Variants in LARP1 observed in about 807,000 individuals in gnomAD.
LARP1 encodes la-related protein 1.
Under a neutral mutation model 122.7 loss-of-function variants are expected in LARP1, and 36 were observed. That is an observed-to-expected ratio of 0.29 (90% confidence interval 0.22 to 0.39). LARP1 has a LOEUF of 0.39. Ranked by LOEUF, LARP1 falls within the 10% of genes least tolerant of loss-of-function variation. LARP1 has a pLI of 1.00. For missense variants in LARP1, 1,040 were observed against 1,403.6 expected (o/e 0.74, Z 4.14); for synonymous variants, 539 against 528.7 (o/e 1.02, Z -0.27).
chr5:154,744,616 A>ATTGTTTTTTTTTTT (rs1753080740), intron 1 of LARP1, among the ~76,000 whole-genome samples: 1 of 71,966 alleles, frequency 1.4e-5, no homozygotes, highest in African/African-American at 5.6e-5. Context: ...TGGATATGCA[A>ATTGTTTTTTTTTTT]TTTTTTTTTT....
intron 1 of LARP1, chr5:154,786,538 C>T (rs1756902886): frequency 4.4e-6 from 2 of 455,010 alleles, no homozygotes; most frequent in East Asian, 1.4e-4. Context: ...ACTCTGTCTG[C>T]CATCCACCCT....
intron 1 of LARP1, among the ~76,000 whole-genome samples, chr5:154,698,971 C>T (rs193148884): frequency 2.6e-5 from 4 of 152,226 alleles, no homozygotes; most frequent in East Asian, 1.9e-4. Flanking sequence ...AGTGCCACTC[C>T]GGAAGAAGAG....
At chr5:154,719,914 G>A (rs542869408) in intron 1 of LARP1, among the ~76,000 whole-genome samples, 9 of 150,676 alleles carry the variant, frequency 6.0e-5, no homozygotes, top group Non-Finnish European at 1.0e-4. Context: ...AACACTGGCC[G>A]GGCATGGTGG....
At chr5:154,721,171 C>T (rs1300770703) in intron 1 of LARP1, among the ~76,000 whole-genome samples, 3 of 151,774 alleles carry the variant, frequency 2.0e-5, no homozygotes, top group African/African-American at 7.3e-5. Flanking sequence ...AGTGCAACCT[C>T]GTCTCTAAAA....
chr5:154,764,881 GGCAACAGA>G (rs1271514757), intron 1 of LARP1, among the ~76,000 whole-genome samples: 1 of 150,168 alleles, frequency 6.7e-6, no homozygotes, highest in Non-Finnish European at 1.5e-5. Flanking sequence ...CTCCAGCCTG[GGCAACAGA>G]GCAAGACTCC....
At chr5:154,761,693 C>T (rs184893791) in intron 1 of LARP1, among the ~76,000 whole-genome samples, 1 of 152,074 alleles carries the variant, frequency 6.6e-6, no homozygotes, top group Admixed American at 6.6e-5. Context: ...CCTTACCTTG[C>T]CTGGGATTCA....
Position 154,800,013 on chromosome 5 carries a change from A to C in LARP1, c.1687A>C (p.Arg563=). ...DSENWIEVKK[R]PRPSPARPKK... is the part of the protein sequence containing the mutation. Reference sequence around the variant, plus strand: ...TGAGAACTGGATTGAAGTGAAGAAGAGGCCTCGGCCATCCCCAGCACGGCC... The same window carrying C: ...TGAGAACTGGATTGAAGTGAAGAAGCGGCCTCGGCCATCCCCAGCACGGCC... Residue 563 remains arginine, a synonymous_variant, in exon 10 of 19, where the codon AGG becomes CGG. Transcript: ENST00000518297. 6.2e-7 allele frequency: 1 copy of C among 1,614,012 alleles called. No homozygotes were observed. The highest frequency in any genetic ancestry group is 8.5e-7 in the Non-Finnish European group (1 of 1,180,024).
intron 1 of LARP1, among the ~76,000 whole-genome samples, chr5:154,733,191 T>TA (rs1371760542): frequency 2.0e-5 from 3 of 152,200 alleles, no homozygotes; most frequent in African/African-American, 4.8e-5. Context: ...GGGGTATTGT[T>TA]TGACCAATTT....
At chr5:154,781,638 T>C (rs1416084266) in intron 1 of LARP1, among the ~76,000 whole-genome samples, 2 of 152,064 alleles carry the variant, frequency 1.3e-5, no homozygotes, top group Non-Finnish European at 2.9e-5. Context: ...AGCTACTACA[T>C]GTAAAAAACT....
At chr5:154,771,752 C>G (rs1197233661) in intron 1 of LARP1, among the ~76,000 whole-genome samples, 2 of 152,166 alleles carry the variant, frequency 1.3e-5, no homozygotes, top group African/African-American at 2.4e-5. Flanking sequence ...AGCTCTGGCT[C>G]TTATTCCCCT....
At chr5:154,809,089 A>G (rs1422400385) in intron 16 of LARP1, among the ~76,000 whole-genome samples, 1 of 152,128 alleles carries the variant, frequency 6.6e-6, no homozygotes, top group Non-Finnish European at 1.5e-5. Flanking sequence ...ATGGTCTTAT[A>G]TGGATGTACC....
Position 154,803,314 on chromosome 5 carries a change from G to T in LARP1, c.2134G>T (p.Val712Phe). Reference protein sequence around the residue: ...IKQEVENFKKVNMISREQFDT... With the variant: ...IKQEVENFKKFNMISREQFDT... ...GCAAGAAGTCGAGAACTTCAAAAAG[G>T]TCAATATGATCAGCCGGGAGCAGTT... Residue 712 changes from valine (V) to phenylalanine (F), a missense_variant, in exon 12 of 19, where the codon GTC (valine) becomes TTC (phenylalanine). By Grantham distance (50) the Val-to-Phe change is conservative. This residue lies in a region of LARP1 where 362 missense variants were observed against 533.1 expected (regional missense o/e 0.68). Coordinates refer to ENST00000518297, the MANE Select transcript of LARP1 (RefSeq NM_033551.3). The surrounding 1 kb of genome is among the most constrained non-coding windows in gnomAD (Gnocchi z 4.4). 6.2e-7 allele frequency: 1 copy of T among 1,614,096 alleles called. No individual in the cohort carries two copies. The highest frequency in any genetic ancestry group is 8.5e-7 in the Non-Finnish European group (1 of 1,180,012).
intron 3 of LARP1, chr5:154,791,908 A>T (rs1034392539): frequency 2.2e-6 from 1 of 453,982 alleles, no homozygotes; most frequent in African/African-American, 2.0e-5. Context: ...CCTCACAGTG[A>T]CTCTGAGATA....
chr5:154,717,366 T>G (rs1755575079), intron 1 of LARP1, among the ~76,000 whole-genome samples: 3 of 152,198 alleles, frequency 2.0e-5, no homozygotes. Context: ...CTTACTTACA[T>G]AGCTGGGCCC....
chr5:154,714,409 A>G (rs2113306618), intron 1 of LARP1, among the ~76,000 whole-genome samples: 1 of 152,318 alleles, frequency 6.6e-6, no homozygotes, highest in East Asian at 1.9e-4. Flanking sequence ...AATCATATAA[A>G]CAAAAAGAAA....
upstream of LARP1, among the ~76,000 whole-genome samples, chr5:154,755,069 C>A (rs1005273693): frequency 4.6e-5 from 7 of 152,054 alleles, no homozygotes; most frequent in Non-Finnish European, 4.4e-5. Flanking sequence ...CCCGTCAGCG[C>A]CCCCACCGAC....
At position 154,688,699 on chromosome 5, in the gene LARP1, G is replaced by T. The variant is rs114665096; in HGVS notation, c.-180+5662G>T. ...AAATTAGCTAGGGCTAGTGGCACATGCCTGTAGTCCTAGCTACTTGGAAGG... is the reference window on the plus strand; with the variant it reads ...AAATTAGCTAGGGCTAGTGGCACATTCCTGTAGTCCTAGCTACTTGGAAGG... On this transcript the variant is annotated intron_variant, in intron 1 of 18. Coordinates refer to the LARP1 transcript ENST00000687700. 7.4e-5 allele frequency among the ~76,000 whole-genome samples: 11 copies of T among 149,392 alleles called. No homozygotes were observed. In the South Asian group the frequency reaches 2.3e-3, roughly 32 times the overall value.
At chr5:154,756,391 G>T (rs1015811776) in intron 1 of LARP1, 198 bp downstream of exon 1, 1 of 993,660 alleles carries the variant, frequency 1.0e-6, no homozygotes, top group Non-Finnish European at 1.2e-6. Flanking sequence ...CCTGCCCGAG[G>T]GCCCGGCCTC....
At chr5:154,736,160 G>A (rs1361194983) in intron 1 of LARP1, among the ~76,000 whole-genome samples, 1 of 151,262 alleles carries the variant, frequency 6.6e-6, no homozygotes, top group Admixed American at 6.6e-5. Flanking sequence ...GCAATGGCGT[G>A]ATCTCGGCTC....
Sources: gnomAD v4.1 joint callset for allele counts (sites outside exome capture counted in the v4.1 genomes callset) on GRCh38, gnomAD v4.1.1 for gene constraint, gnomAD v4.1.1 regional missense constraint, Gnocchi (gnomAD v3.1) non-coding constraint, MANE v1.5 for transcripts, NCBI Gene and HGNC (gene_info 2026-07-23, HGNC 2026-07-21) for gene names.